The following TRMT11 variants were observed in gnomAD, a reference collection of about 807,000 sequenced individuals.
TRMT11 encodes tRNA (guanine(10)-N(2))-methyltransferase TRMT11.
Under a neutral mutation model 62.8 loss-of-function variants are expected in TRMT11, and 53 were observed. That is an observed-to-expected ratio of 0.84 (90% CI 0.68 to 1.06). The LOEUF (loss-of-function observed/expected upper bound fraction) is 1.06. Among genes scored for constraint, TRMT11 ranks in the 50% least tolerant of loss-of-function variants. The probability of loss-of-function intolerance (pLI) is 0.00; values close to 1 mark genes in which losing one functional copy is unlikely to be tolerated. For missense variants in TRMT11, 556 were observed against 553.4 expected (o/e 1.00, Z -0.05); for synonymous variants, 188 against 190.3 (o/e 0.99, Z 0.10).
chr6:126,123,952 A>G (rs1378719486), intron 21 of TRMT11, among the ~76,000 whole-genome samples: 1 of 151,932 alleles, frequency 6.6e-6, no homozygotes. Context: ...TTTTTAAAAT[A>G]ATATTTTTAA....
chr6:126,204,142 A>G (rs2128254093), downstream of TRMT11, among the ~76,000 whole-genome samples: 1 of 152,308 alleles, frequency 6.6e-6, no homozygotes, highest in Admixed American at 6.5e-5. Context: ...ATTATAAGTT[A>G]AAAAGATTCA....
chr6:126,085,237 G>T (rs1777200869), intron 17 of TRMT11, among the ~76,000 whole-genome samples: 1 of 152,046 alleles, frequency 6.6e-6, no homozygotes, highest in Admixed American at 6.6e-5. Flanking sequence ...CCTCAGTAAA[G>T]CTGAAAAAAA....
At chr6:126,009,900 A>G (rs1426466653) in intron 8 of TRMT11, among the ~76,000 whole-genome samples, 1 of 152,034 alleles carries the variant, frequency 6.6e-6, no homozygotes, top group Non-Finnish European at 1.5e-5. Flanking sequence ...ACTGGGGTAG[A>G]ATTCTGATTG....
chr6:126,236,423 A>G, the TRMT11 span, among the ~76,000 whole-genome samples: 4 of 152,172 alleles, frequency 2.6e-5, no homozygotes, highest in African/African-American at 7.2e-5. Flanking sequence ...TCATCTTGTC[A>G]TAGATTACCA....
chr6:126,134,732 A>G (rs1006744017), intron 21 of TRMT11, among the ~76,000 whole-genome samples: 3 of 151,924 alleles, frequency 2.0e-5, no homozygotes, highest in African/African-American at 7.2e-5. Context: ...AGGACAGACC[A>G]TATGTTAGAC....
intron 1 of TRMT11, among the ~76,000 whole-genome samples, chr6:126,192,097 T>G (rs1778610205): frequency 6.6e-6 from 1 of 152,152 alleles, no homozygotes; most frequent in Non-Finnish European, 1.5e-5. Context: ...TATCTTTCCA[T>G]ATTTTGGTGT....
At chr6:126,079,495 C>T (rs1244961373) in intron 17 of TRMT11, among the ~76,000 whole-genome samples, 1 of 152,086 alleles carries the variant, frequency 6.6e-6, no homozygotes, top group Non-Finnish European at 1.5e-5. Context: ...TCTAGAAAGC[C>T]CACAAGATAT....
the TRMT11 span, among the ~76,000 whole-genome samples, chr6:126,257,404 T>C: frequency 1.6e-4 from 25 of 152,154 alleles, no homozygotes; most frequent in Admixed American, 1.0e-3. Context: ...AGTTTACTAG[T>C]ATCTTGTTGA....
the TRMT11 span, among the ~76,000 whole-genome samples, chr6:126,233,108 TG>T: frequency 2.6e-5 from 4 of 152,180 alleles, no homozygotes; most frequent in Non-Finnish European, 5.9e-5. Context: ...TGAACATGGA[TG>T]GGTCAGTATT....
intron 17 of TRMT11, among the ~76,000 whole-genome samples, chr6:126,093,585 G>GTGTATATATATATA (rs1313520779): frequency 3.6e-4 from 17 of 46,688 alleles, no homozygotes; most frequent in East Asian, 7.2e-4. Flanking sequence ...GGATATGTAT[G>GTGTATATATATATA]TATATATATA....
At chr6:126,150,372 C>G (rs1184663557) in intron 21 of TRMT11, among the ~76,000 whole-genome samples, 1 of 152,166 alleles carries the variant, frequency 6.6e-6, no homozygotes, top group Non-Finnish European at 1.5e-5. Flanking sequence ...TACCCAGTTT[C>G]AGGGATTCTG....
the TRMT11 span, chr6:126,257,884 A>G: frequency 7.1e-7 from 1 of 1,399,320 alleles, no homozygotes; most frequent in Non-Finnish European, 1.0e-6. Flanking sequence ...GGGGACAGTG[A>G]TTGTCCTGAG....
At chr6:126,230,108 A>C in the TRMT11 span, among the ~76,000 whole-genome samples, 1 of 152,198 alleles carries the variant, frequency 6.6e-6, no homozygotes, top group Non-Finnish European at 1.5e-5. Context: ...ACGTGGAACC[A>C]GTAAATGAGA....
the TRMT11 span, among the ~76,000 whole-genome samples, chr6:126,210,377 G>C: frequency 6.6e-6 from 1 of 152,140 alleles, no homozygotes; most frequent in Non-Finnish European, 1.5e-5. Flanking sequence ...TTATTTCAAC[G>C]ACCAGTGAGT....
At chr6:126,185,148 G>T (rs1392432748) in intron 1 of TRMT11, among the ~76,000 whole-genome samples, 3 of 152,018 alleles carry the variant, frequency 2.0e-5, no homozygotes, top group Non-Finnish European at 2.9e-5. Context: ...GTATTTGCAG[G>T]CAATCCCCTG....
chr6:126,173,119 A>G (rs1332282533), upstream of TRMT11, among the ~76,000 whole-genome samples: 2 of 152,200 alleles, frequency 1.3e-5, no homozygotes, highest in Non-Finnish European at 1.5e-5. Context: ...GTATGGCAGT[A>G]AATGAGCCTA....
chr6:126,020,065 A>G lies in TRMT11; in HGVS notation c.1140-1095A>G, dbSNP rs9491555. On this transcript the variant is annotated intron_variant, in intron 11 of 12. Transcript: ENST00000334379. ...TGAGCATATGGTTGAGGTAATAGGG[A>G]GAGCTCGTTGAAGGTCAGTGGGACC... 5.3e-3 allele frequency among the ~76,000 whole-genome samples: 810 copies of G among 152,320 alleles called. 5 individuals carry two copies. The highest frequency in any genetic ancestry group is 0.018 in the African/African-American group (758 of 41,564).
At chr6:126,213,872 C>T in the TRMT11 span, among the ~76,000 whole-genome samples, 5 of 152,020 alleles carry the variant, frequency 3.3e-5, no homozygotes, top group South Asian at 1.0e-3. Flanking sequence ...GGGATGATAC[C>T]AGTTTTGAGT....
chr6:126,089,453 CAT>C (rs1286551321), intron 17 of TRMT11, among the ~76,000 whole-genome samples: 9 of 152,122 alleles, frequency 5.9e-5, no homozygotes, highest in South Asian at 2.1e-4. Flanking sequence ...TTATTTGAAT[CAT>C]GTGCTAGTAT....
Sources: gnomAD v4.1 joint callset for allele counts (sites outside exome capture counted in the v4.1 genomes callset) on GRCh38, gnomAD v4.1.1 for gene constraint, MANE v1.5 for transcripts, NCBI Gene and HGNC (gene_info 2026-07-23, HGNC 2026-07-21) for gene names.